Variants in ZNF704 observed in about 807,000 individuals in gnomAD.
The protein encoded by ZNF704 is zinc finger protein 704, also known as glucocorticoid induced gene 1.
ZNF704 carries 10 observed loss-of-function variants against 44.7 expected under a neutral mutation model. That is an observed-to-expected ratio of 0.22 (90% confidence interval 0.14 to 0.38). The LOEUF is 0.38. Among genes scored for constraint, ZNF704 ranks in the 10% least tolerant of loss-of-function variants. The pLI is 1.00. For missense variants in ZNF704, 390 were observed against 545.5 expected, an observed-to-expected ratio of 0.71 and a Z score of 2.84; for synonymous variants, 211 against 207.6, an observed-to-expected ratio of 1.02 and a Z score of -0.14.
chr8:80,862,944 C>T (rs181300224), intron 1 of ZNF704, among the ~76,000 whole-genome samples: 30 of 151,916 alleles, frequency 2.0e-4, no homozygotes, highest in African/African-American at 6.8e-4. Context: ...TCATGTCAAC[C>T]CTTCAAATGC....
chr8:80,770,219 T>C (rs1484322008), intron 2 of ZNF704, among the ~76,000 whole-genome samples: 2 of 152,200 alleles, frequency 1.3e-5, no homozygotes, highest in Non-Finnish European at 2.9e-5. Flanking sequence ...GTAAAACCAC[T>C]GTCCACTATT....
At chr8:80,669,435 A>C (rs1818245583) in intron 5 of ZNF704, among the ~76,000 whole-genome samples, 1 of 152,160 alleles carries the variant, frequency 6.6e-6, no homozygotes, top group Non-Finnish European at 1.5e-5. Context: ...AGTGCTCTCC[A>C]GGCCATATGC....
intron 4 of ZNF704, among the ~76,000 whole-genome samples, chr8:80,685,536 G>A (rs986478027): frequency 1.3e-5 from 2 of 152,174 alleles, no homozygotes; most frequent in African/African-American, 2.4e-5. Flanking sequence ...CTGCCTGCAG[G>A]TACCCACTGA....
intron 1 of ZNF704, among the ~76,000 whole-genome samples, chr8:80,859,466 C>G (rs988739415): frequency 9.2e-5 from 14 of 152,102 alleles, no homozygotes; most frequent in African/African-American, 2.7e-4. Context: ...GGCTTGCTCC[C>G]CTGGGGTTCA....
chr8:80,652,088 A>C (rs1302639092), intron 7 of ZNF704, among the ~76,000 whole-genome samples: 1 of 152,254 alleles, frequency 6.6e-6, no homozygotes, highest in Non-Finnish European at 1.5e-5. Flanking sequence ...CACGAAATGA[A>C]GGCAGAAATA....
chr8:80,645,317 T>C, intron 7 of ZNF704: 1 of 753,686 alleles, frequency 1.3e-6, no homozygotes. Flanking sequence ...GTCACAGGAA[T>C]AGCATTGTCA....
At chr8:80,679,768 G>T (rs965177043) in intron 4 of ZNF704, among the ~76,000 whole-genome samples, 1 of 152,324 alleles carries the variant, frequency 6.6e-6, no homozygotes, top group Non-Finnish European at 1.5e-5. Flanking sequence ...TTTAACACCC[G>T]CAACAGGCCC....
chr8:80,715,021 T>C (rs11989839), intron 2 of ZNF704, among the ~76,000 whole-genome samples: 4,413 of 152,294 alleles, frequency 0.029, 234 homozygotes, highest in African/African-American at 0.1. Flanking sequence ...ATCACATTTC[T>C]TGGCTGCAAA....
intron 2 of ZNF704, among the ~76,000 whole-genome samples, chr8:80,742,157 G>T (rs921574854): frequency 6.6e-6 from 1 of 152,084 alleles, no homozygotes; most frequent in African/African-American, 2.4e-5. Context: ...GAAAGGAAAG[G>T]GAAATAGAAG....
intron 7 of ZNF704, among the ~76,000 whole-genome samples, chr8:80,655,403 G>A (rs1817999072): frequency 6.6e-6 from 1 of 151,990 alleles, no homozygotes; most frequent in South Asian, 2.1e-4. Flanking sequence ...TTAAATTATA[G>A]TCTGTAAAAA....
intron 2 of ZNF704, among the ~76,000 whole-genome samples, chr8:80,699,511 G>C (rs1818776490): frequency 6.6e-6 from 1 of 152,124 alleles, no homozygotes; most frequent in Non-Finnish European, 1.5e-5. Context: ...TAATACATAA[G>C]GCAATATACA....
intron 2 of ZNF704, among the ~76,000 whole-genome samples, chr8:80,725,879 TAAAAGA>T (rs1305699853): frequency 6.6e-6 from 1 of 152,166 alleles, no homozygotes; most frequent in African/African-American, 2.4e-5. Context: ...AGCTTAAAAG[TAAAAGA>T]AATTTCTTTT....
intron 4 of ZNF704, among the ~76,000 whole-genome samples, chr8:80,686,596 T>C (rs1184761648): frequency 6.6e-6 from 1 of 152,122 alleles, no homozygotes; most frequent in Non-Finnish European, 1.5e-5. Flanking sequence ...TCTTGCTATG[T>C]TGCACAGGCT....
intron 1 of ZNF704, among the ~76,000 whole-genome samples, chr8:80,823,038 A>T (rs1808306319): frequency 6.6e-6 from 1 of 152,118 alleles, no homozygotes; most frequent in Non-Finnish European, 1.5e-5. Context: ...AAGACAGGGG[A>T]TTTCTGCATT....
At chr8:80,735,073 T>C (rs1384396309) in intron 2 of ZNF704, among the ~76,000 whole-genome samples, 2 of 152,232 alleles carry the variant, frequency 1.3e-5, no homozygotes, top group Non-Finnish European at 2.9e-5. Context: ...CCTTCAAGGC[T>C]TCAGCATCAT....
Position 80,635,581 on chromosome 8 carries a change from T to C in ZNF704, c.*5785A>G, listed in dbSNP as rs1193927656. ...ATTTCCACCAAATGATACTTGCTAGTTAAATGCAAGTATCTGTGATTCTGG... is the reference window on the plus strand; with the variant it reads ...ATTTCCACCAAATGATACTTGCTAGCTAAATGCAAGTATCTGTGATTCTGG... On this transcript the variant is annotated 3_prime_UTR_variant, in exon 9 of 9. Transcript: ENST00000327835. The C allele has an allele frequency of 6.6e-6, 1 of 152,226 alleles. No homozygotes were observed. The highest frequency in any genetic ancestry group is 1.5e-5 in the Non-Finnish European group (1 of 68,038). 9.4% of individuals were successfully genotyped at this position (152,226 alleles called of 1,614,324 possible). A position where few individuals can be genotyped will look rare whatever the true frequency, so the allele number is the denominator to read the frequency against.
chr8:80,841,410 C>T (rs1432356927), intron 1 of ZNF704, among the ~76,000 whole-genome samples: 1 of 151,884 alleles, frequency 6.6e-6, no homozygotes, highest in Non-Finnish European at 1.5e-5. Context: ...TTTTTTTTCC[C>T]TTTGCAGCCT....
intron 2 of ZNF704, among the ~76,000 whole-genome samples, chr8:80,724,791 C>T (rs1236499962): frequency 6.6e-6 from 1 of 152,180 alleles, no homozygotes; most frequent in Non-Finnish European, 1.5e-5. Context: ...TCTGCCGAGT[C>T]CTTCCCCTCA....
intron 6 of ZNF704, among the ~76,000 whole-genome samples, chr8:80,660,430 C>T (rs965142787): frequency 2.0e-5 from 3 of 150,394 alleles, no homozygotes; most frequent in Non-Finnish European, 4.4e-5. Flanking sequence ...TATGATCATG[C>T]CACTGCACTC....
Sources: gnomAD v4.1 joint callset for allele counts (sites outside exome capture counted in the v4.1 genomes callset) on GRCh38, gnomAD v4.1.1 for gene constraint, MANE v1.5 for transcripts, NCBI Gene and HGNC (gene_info 2026-07-23, HGNC 2026-07-21) for gene names.